The following FLAD1 variants were observed in gnomAD, a reference collection of about 807,000 sequenced individuals.
FLAD1 encodes bifunctional FAD diphosphatase/FAD synthase.
A neutral mutation model predicts 55.0 loss-of-function variants in FLAD1; 35 were observed. The observed-to-expected ratio is 0.64, with a 90% confidence interval of 0.49 to 0.84. The LOEUF (loss-of-function observed/expected upper bound fraction) is 0.84, where lower values mean the gene tolerates loss of function less well. Among genes scored for constraint, FLAD1 ranks in the 40% least tolerant of loss-of-function variants. FLAD1 has a pLI of 0.00. For synonymous variants in FLAD1, 267 were observed against 303.0 expected, an observed-to-expected ratio of 0.88 and a Z score of 1.23; for missense variants, 665 against 742.6, an observed-to-expected ratio of 0.90 and a Z score of 1.21.
Position 154,988,582 on chromosome 1 carries a change from C to T in FLAD1, c.850C>T (p.Leu284=). 3.1e-6 allele frequency: 5 copies of T among 1,614,202 alleles called. No homozygotes were observed. Among genetic ancestry groups the T allele is most frequent in the Non-Finnish European group, 3.4e-6 (4 of 1,180,032 alleles). ...NPAVQFHSKE[L]YVAADEASIA... is the part of the protein sequence containing the mutation. The stretch of plus-strand genomic sequence containing the variant: ...AGCTGTTCAGTTCCACTCAAAGGAG[C>T]TATATGTGGCTGCTGATGAAGCCTC... Residue 284 remains leucine (L), a synonymous_variant, in exon 2 of 7, where the codon CTA becomes TTA. Transcript: ENST00000292180.
In FLAD1 at chr1:154,990,167, C is replaced by A. The variant is rs755733167; in HGVS notation, c.1274C>A (p.Pro425His). ...TTCTTCCCCCTCTGCAGGAAATTAC[C>A]TGATGTTCCAAACCCCCTCCAGATC... ...LFHAAVQRKL[P>H]DVPNPLQILY... The change falls in exon 4 of 7, where the codon CCT becomes CAT. Residue 425 changes from proline to histidine, a missense_variant. By Grantham distance (77) the Pro-to-His change is moderately conservative. Coordinates refer to ENST00000292180, the MANE Select transcript of FLAD1 (RefSeq NM_025207.5). The A allele has an allele frequency of 2.5e-6, 4 of 1,613,582 alleles. No individual in the cohort carries two copies. The East Asian group carries it at 8.9e-5, about 36-fold the overall frequency.
chr1:154,983,748 C>T lies in FLAD1; in HGVS notation c.54C>T (p.Arg18=), dbSNP rs1251463117. Residue 18 remains arginine, a synonymous_variant, in exon 1 of 7, where the codon CGC becomes CGT. Transcript: ENST00000292180. ...TCCAGAGGCAGGAACAAAGGAGTCG[C>T]TTGTCAAGGATCTGGTTAGAGAAGA... ...RLFQRQEQRS[R]LSRIWLEKTR... is the part of the protein sequence containing the mutation. The T allele has an allele frequency of 1.2e-6, 2 of 1,614,100 alleles. No individual in the cohort carries two copies.
chr1:154,985,707 C>G (rs946435984), intron 1 of FLAD1, among the ~76,000 whole-genome samples: 4 of 146,744 alleles, frequency 2.7e-5, no homozygotes, highest in African/African-American at 7.5e-5. Flanking sequence ...TCACCTGGCC[C>G]TGACCCCAAT....
chr1:154,985,765 G>A (rs1425476936), intron 1 of FLAD1, among the ~76,000 whole-genome samples: 3 of 99,770 alleles, frequency 3.0e-5, no homozygotes, highest in African/African-American at 1.2e-4. Flanking sequence ...CACTTTTGTT[G>A]CCCAGGCTGG....
rs1339976864 is a variant in FLAD1 at position 154,990,155 on chromosome 1, G to A, written c.1266-4G>A. 6.2e-7 allele frequency: 1 copy of A among 1,611,258 alleles called. No homozygotes were observed. Among genetic ancestry groups the A allele is most frequent in the Admixed American group, 1.7e-5 (1 of 59,994 alleles). On this transcript the variant is annotated splice_region_variant and splice_polypyrimidine_tract_variant and intron_variant, in intron 3 of 6. Coordinates refer to ENST00000292180, the MANE Select transcript of FLAD1 (RefSeq NM_025207.5). ...CAAGCCTGTGGATTCTTCCCCCTCTGCAGGAAATTACCTGATGTTCCAAAC... is the reference window on the plus strand; with the variant it reads ...CAAGCCTGTGGATTCTTCCCCCTCTACAGGAAATTACCTGATGTTCCAAAC...
chr1:154,984,761 A>G (rs1167782956), intron 1 of FLAD1, among the ~76,000 whole-genome samples: 1 of 151,976 alleles, frequency 6.6e-6, no homozygotes, highest in Non-Finnish European at 1.5e-5. Context: ...AAATGACTCA[A>G]GGTACTCAGC....
rs1657418349 is a variant in FLAD1, at chr1:154,983,521, C to G, written c.-174C>G. 1 of 582,430 alleles carries G rather than the reference C, an allele frequency of 1.7e-6. No individual in the cohort carries two copies. Among genetic ancestry groups the G allele is most frequent in the African/African-American group, 1.9e-5 (1 of 53,592 alleles). 36.1% of individuals were successfully genotyped at this position (582,430 alleles called of 1,614,324 possible). On this transcript the variant is annotated 5_prime_UTR_variant, in exon 1 of 7. Coordinates refer to ENST00000292180, the MANE Select transcript of FLAD1 (RefSeq NM_025207.5). ...TTTGGTCCGGGGTGGAGAGCGAATG[C>G]ATTGAAAAGGGCCAAGGCCCAGGAT...
rs1657726207 is a variant in FLAD1, at chr1:154,988,587, T to C, written c.855T>C (p.Tyr285=). The change falls in exon 2 of 7, where the codon TAT becomes TAC. Residue 285 remains tyrosine (Y), a synonymous_variant. Transcript: ENST00000292180. The stretch of plus-strand genomic sequence containing the variant: ...TTCAGTTCCACTCAAAGGAGCTATA[T>C]GTGGCTGCTGATGAAGCCTCCATCG... ...PAVQFHSKEL[Y]VAADEASIAP... 6.2e-7 allele frequency: 1 copy of C among 1,614,238 alleles called. No homozygotes were observed. Among genetic ancestry groups the C allele is most frequent in the East Asian group, 2.2e-5 (1 of 44,894 alleles).
intron 1 of FLAD1, among the ~76,000 whole-genome samples, chr1:154,985,429 T>G (rs1255319255): frequency 1.3e-5 from 2 of 150,632 alleles, no homozygotes; most frequent in Non-Finnish European, 3.0e-5. Flanking sequence ...GACAGAGTCT[T>G]GTTCTGTTGC....
Position 154,988,121 on chromosome 1 carries a change from C to T in FLAD1, c.389C>T (p.Thr130Ile). Residue 130 changes from threonine (T) to isoleucine (I), a missense_variant, in exon 2 of 7, where the codon ACC (threonine) becomes ATC (isoleucine). Physicochemically the swap from Thr to Ile is moderately conservative, Grantham distance 89 (BLOSUM62 -1). Transcript: ENST00000292180. Reference sequence around the variant, plus strand: ...AACCCCCAGGGACACACTCAGGACACCAACACCTTCTTTCTGTGCCGGACA... The same window carrying T: ...AACCCCCAGGGACACACTCAGGACATCAACACCTTCTTTCTGTGCCGGACA... Reference protein sequence around the residue: ...DEILKGHTQDTNTFFLCRTLR... With the variant: ...DEILKGHTQDINTFFLCRTLR... The T allele has an allele frequency of 4.3e-6, 7 of 1,614,216 alleles. No individual in the cohort carries two copies. The highest frequency in any genetic ancestry group is 5.1e-6 in the Non-Finnish European group (6 of 1,180,040).
In FLAD1 at chr1:154,990,609, G is replaced by A. The variant is rs570947861; in HGVS notation, c.1554+81G>A. 36 of 1,372,586 alleles carry A rather than the reference G, an allele frequency of 2.6e-5. 1 individual carries two copies. The South Asian group carries it at 3.7e-4, about 14-fold the overall frequency. The allele number at this position is 1,372,586 out of a possible 1,614,324, so 85.0% of individuals were successfully genotyped here. ...ACCCTAGCTCACCTGCAGTAGTGGG[G>A]AGGCTAGAGCCTGGAACCTGGATGA... On this transcript the variant is annotated intron_variant, in intron 5 of 6. Transcript: ENST00000292180.
intron 5 of FLAD1, 67 bp from the exon 6 acceptor site, chr1:154,992,646 C>G (rs754201853): frequency 1.9e-6 from 3 of 1,614,144 alleles, no homozygotes; most frequent in Non-Finnish European, 2.5e-6. Flanking sequence ...GGCCCCTTCC[C>G]AGGACAGCAG....
In FLAD1 at chr1:154,988,816, G is replaced by T. The variant is rs1028279715; in HGVS notation, c.1084G>T (p.Ala362Ser). 1 of 1,614,046 alleles carries T rather than the reference G, an allele frequency of 6.2e-7. No homozygotes were observed. Among genetic ancestry groups the T allele is most frequent in the African/African-American group, 1.3e-5 (1 of 74,924 alleles). The change falls in exon 2 of 7, where the codon GCC becomes TCC. Residue 362 changes from alanine to serine, a missense_variant. Transcript: ENST00000292180. ...VPYMPNAVEQ[A>S]SEAVYKLAES... ...CTACATGCCCAACGCTGTGGAGCAG[G>T]CCAGTGAGGCTGTATACAAACTCGC... is the stretch of plus-strand genomic sequence containing the variant.
intron 5 of FLAD1, 60 bp from the exon 6 acceptor site, chr1:154,992,653 G>C: frequency 6.2e-7 from 1 of 1,614,178 alleles, no homozygotes; most frequent in Non-Finnish European, 8.5e-7. Flanking sequence ...TCCCAGGACA[G>C]CAGGGGTAGA....
At chr1:154,991,715 T>A (rs1231996917) in intron 5 of FLAD1, among the ~76,000 whole-genome samples, 1 of 150,658 alleles carries the variant, frequency 6.6e-6, no homozygotes, top group Admixed American at 6.6e-5. Flanking sequence ...GAGGCCGAGG[T>A]GGGCTGATCA....
intron 5 of FLAD1, chr1:154,992,511 G>A: frequency 2.0e-6 from 3 of 1,525,074 alleles, no homozygotes; most frequent in Non-Finnish European, 2.7e-6. Context: ...GTTCAAGAAT[G>A]GAAAGCAGAG....
At chr1:154,985,716 A>ATTTT (rs34387427) in intron 1 of FLAD1, among the ~76,000 whole-genome samples, 4 of 75,484 alleles carry the variant, frequency 5.3e-5, no homozygotes, top group Non-Finnish European at 1.0e-4. Flanking sequence ...CCTGACCCCA[A>ATTTT]TTTTTTTTTT....
intron 1 of FLAD1, among the ~76,000 whole-genome samples, chr1:154,984,727 AAG>A (rs1344815381): frequency 2.3e-4 from 35 of 150,536 alleles, no homozygotes; most frequent in Non-Finnish European, 4.4e-4. Context: ...AAAAAAAAAA[AAG>A]AGTTTTACCC....
chr1:154,989,786 G>A, intron 3 of FLAD1, 79 bp downstream of exon 3: 7 of 1,427,092 alleles, frequency 4.9e-6, no homozygotes, highest in Non-Finnish European at 6.5e-6. Flanking sequence ...GAAAGGGGGT[G>A]TACAGGTGGA....
Sources: gnomAD v4.1 joint callset for allele counts (sites outside exome capture counted in the v4.1 genomes callset) on GRCh38, gnomAD v4.1.1 for gene constraint, MANE v1.5 for transcripts, NCBI Gene and HGNC (gene_info 2026-07-23, HGNC 2026-07-21) for gene names.